COX7A2L: variants seen among roughly 807,000 people sequenced by gnomAD.
The protein encoded by COX7A2L is cytochrome c oxidase subunit 7A2-like, mitochondrial.
A neutral mutation model predicts 14.2 loss-of-function variants in COX7A2L; 18 were observed. The ratio of observed to expected loss-of-function variants is 1.27; its 90% CI spans 0.88 to 1.88. COX7A2L has a LOEUF of 1.88. Ranked by LOEUF, COX7A2L falls within the 40% of genes most tolerant of loss-of-function variation. The probability of loss-of-function intolerance (pLI) is 0.00; values close to 1 mark genes in which losing one functional copy is unlikely to be tolerated. For synonymous variants in COX7A2L, 65 were observed against 57.4 expected, an observed-to-expected ratio of 1.13 and a Z score of -0.60; for missense variants, 179 against 138.8, an observed-to-expected ratio of 1.29 and a Z score of -1.46.
chr2:42,360,964 G>T (rs1293214724), intron 1 of COX7A2L, 126 bp downstream of exon 1: 2 of 951,002 alleles, frequency 2.1e-6, no homozygotes, highest in Non-Finnish European at 3.3e-6. Flanking sequence ...CCCGGGAGGT[G>T]CAAGGAGAAC....
At chr2:42,345,065 T>G (rs556739721), downstream of COX7A2L, among the ~76,000 whole-genome samples, 16 of 152,178 alleles carry the variant, frequency 1.1e-4, no homozygotes, top group Non-Finnish European at 2.2e-4. Context: ...TCCTGAGTTA[T>G]AAGTCATGTG....
At chr2:42,345,606 G>A (rs1010752733), downstream of COX7A2L, among the ~76,000 whole-genome samples, 1 of 152,224 alleles carries the variant, frequency 6.6e-6, no homozygotes, top group Non-Finnish European at 1.5e-5. Context: ...AAGAATGGCT[G>A]AGGGTCTGCC....
chr2:42,351,303 G>A lies in COX7A2L; in HGVS notation c.261C>T (p.Tyr87=), dbSNP rs1572791124. The A allele has an allele frequency of 2.5e-6, 4 of 1,614,080 alleles. No individual in the cohort carries two copies. The highest frequency in any genetic ancestry group is 3.4e-6 in the Non-Finnish European group (4 of 1,180,042). ...LKRGLPDQML[Y]RTTMALTVGG... is the part of the protein sequence containing the mutation. ...CCACAGTCAGCGCCATGGTGGTCCG[G>A]TAAAGCATTTGGTCAGGCAGGCCTC... The change falls in exon 3 of 3, where the codon TAC becomes TAT. Residue 87 remains tyrosine, a synonymous_variant. Coordinates refer to ENST00000234301, the MANE Select transcript of COX7A2L (RefSeq NM_004718.4).
chr2:42,341,466 T>C (rs1572783863), intron 2 of COX7A2L, among the ~76,000 whole-genome samples: 2 of 152,214 alleles, frequency 1.3e-5, no homozygotes, highest in Non-Finnish European at 2.9e-5. Context: ...CTTAACTTCC[T>C]TTCCCACAGC....
At chr2:42,355,538 C>T (rs1354180670) in intron 1 of COX7A2L, among the ~76,000 whole-genome samples, 4 of 151,994 alleles carry the variant, frequency 2.6e-5, no homozygotes, top group Admixed American at 2.6e-4. Flanking sequence ...ACAGGAATAC[C>T]AACCATCTTA....
At chr2:42,349,137 T>C (rs1190048255), downstream of COX7A2L, among the ~76,000 whole-genome samples, 1 of 152,138 alleles carries the variant, frequency 6.6e-6, no homozygotes, top group African/African-American at 2.4e-5. Flanking sequence ...AATGAAAACA[T>C]ATGTCCATGT....
At chr2:42,343,250 G>C (rs1182992373) in intron 2 of COX7A2L, among the ~76,000 whole-genome samples, 2 of 152,202 alleles carry the variant, frequency 1.3e-5, no homozygotes, top group Non-Finnish European at 2.9e-5. Context: ...TCCCAGATCA[G>C]AACAGGTGAA....
chr2:42,352,354 G>A (rs916392507), intron 2 of COX7A2L, among the ~76,000 whole-genome samples: 2 of 152,100 alleles, frequency 1.3e-5, no homozygotes, highest in Non-Finnish European at 2.9e-5. Context: ...TGTAGAGGCA[G>A]GGTCTCGTTA....
At chr2:42,363,525 G>A (rs1475408096), upstream of COX7A2L, among the ~76,000 whole-genome samples, 2 of 152,168 alleles carry the variant, frequency 1.3e-5, no homozygotes, top group African/African-American at 4.8e-5. Flanking sequence ...TTTAGATCCT[G>A]CAAGACATAA....
chr2:42,354,463 A>G (rs1173000200), intron 1 of COX7A2L, among the ~76,000 whole-genome samples: 2 of 152,244 alleles, frequency 1.3e-5, no homozygotes, highest in Non-Finnish European at 2.9e-5. Context: ...AGCATAATTC[A>G]AACCCAGCCT....
Position 42,342,413 on chromosome 2 carries a change from G to A in COX7A2L, c.193-8544C>T, listed in dbSNP as rs970124173. ...TCCTTGGCCCTTCAGGCAGGCACCA[G>A]GTACGGCCCACACAGACTCAGCCTC... is the stretch of plus-strand genomic sequence containing the variant. On this transcript the variant is annotated intron_variant, in intron 2 of 2. Transcript: ENST00000468711. This position sits in a 1 kb window ranked among gnomAD's most constrained non-coding sequence, Gnocchi z 4.9. Among the ~76,000 whole-genome samples, 1 of 152,072 alleles carries A rather than the reference G, an allele frequency of 6.6e-6. No homozygotes were observed. The highest frequency in any genetic ancestry group is 1.5e-5 in the Non-Finnish European group (1 of 67,996).
At position 42,351,043 on chromosome 2, in the gene COX7A2L, GCT is replaced by G. The variant is rs1399685195; in HGVS notation, c.*174_*175del. 1.6e-6 allele frequency: 1 copy of G among 628,056 alleles called. No homozygotes were observed. The highest frequency in any genetic ancestry group is 3.0e-5 in the East Asian group (1 of 33,674). The allele number at this position is 628,056 out of a possible 1,614,324, so 38.9% of individuals were successfully genotyped here. ...AACAATGGCTTTAACTGTCGAATGA[GCT>G]CTGACAAGCCATATGCATTTCATAA... On this transcript the variant is annotated 3_prime_UTR_variant, in exon 3 of 3. Transcript: ENST00000234301.
chr2:42,347,307 C>CATTTTTTTTTTTTT (rs71408096), downstream of COX7A2L, among the ~76,000 whole-genome samples: 2 of 135,052 alleles, frequency 1.5e-5, no homozygotes, highest in Non-Finnish European at 1.6e-5. Flanking sequence ...AAACCAGCAC[C>CATTTTTTTTTTTTT]TTTTTTTTTT....
At chr2:42,344,583 T>C (rs745318341), downstream of COX7A2L, among the ~76,000 whole-genome samples, 9 of 152,220 alleles carry the variant, frequency 5.9e-5, no homozygotes, top group Admixed American at 2.6e-4. Flanking sequence ...CCCGGCGCGG[T>C]GGCTCACGCC....
intron 2 of COX7A2L, among the ~76,000 whole-genome samples, chr2:42,337,507 T>C (rs1350144067): frequency 6.6e-6 from 1 of 152,074 alleles, no homozygotes; most frequent in Non-Finnish European, 1.5e-5. Context: ...GGGATTCCTC[T>C]GCAGTGACGA....
At chr2:42,364,050 T>A (rs761510216), upstream of COX7A2L, among the ~76,000 whole-genome samples, 5 of 152,122 alleles carry the variant, frequency 3.3e-5, no homozygotes, top group Non-Finnish European at 7.4e-5. Context: ...TTTTTTAAAT[T>A]CTCTCATTTT....
upstream of COX7A2L, among the ~76,000 whole-genome samples, chr2:42,364,416 T>C (rs193249685): frequency 1.3e-4 from 20 of 152,296 alleles, no homozygotes; most frequent in African/African-American, 4.6e-4. Context: ...AATGTTATAG[T>C]GAAGTGTTAC....
At chr2:42,365,546 G>A (rs577580996), upstream of COX7A2L, 1 of 152,090 alleles carries the variant, frequency 6.6e-6, no homozygotes, top group East Asian at 1.9e-4. Flanking sequence ...AGAATTGCTT[G>A]AACCCAAGAG....
chr2:42,367,519 G>A (rs1335916351), intron 1 of COX7A2L, among the ~76,000 whole-genome samples: 1 of 152,212 alleles, frequency 6.6e-6, no homozygotes, highest in Non-Finnish European at 1.5e-5. Context: ...ATCAATCAGT[G>A]AAAAGTATCT....
Sources: allele counts gnomAD v4.1 joint callset (sites outside exome capture counted in the v4.1 genomes callset), GRCh38; gene constraint gnomAD v4.1.1; non-coding constraint Gnocchi (gnomAD v3.1); transcripts MANE v1.5; gene names NCBI Gene and HGNC (gene_info 2026-07-23, HGNC 2026-07-21).